CCPG1: variants seen among roughly 807,000 people sequenced by gnomAD.
CCPG1 encodes the protein cell cycle progression protein 1.
In CCPG1, 46 loss-of-function variants were observed where a neutral mutation model predicts 81.3. The observed-to-expected ratio is 0.57, with a 90% CI of 0.45 to 0.72. The LOEUF (loss-of-function observed/expected upper bound fraction) is 0.72. Ranked by LOEUF, CCPG1 falls within the 30% of genes least tolerant of loss-of-function variation. The pLI is 0.00. For synonymous variants in CCPG1, 330 were observed against 305.2 expected, an observed-to-expected ratio of 1.08 and a Z score of -0.85; for missense variants, 902 against 937.6, an observed-to-expected ratio of 0.96 and a Z score of 0.50.
intron 8 of CCPG1, chr15:55,357,183 C>T (rs890807086): frequency 1.1e-6 from 1 of 929,458 alleles, no homozygotes; most frequent in Non-Finnish European, 1.3e-6. Flanking sequence ...ATTCTCATCT[C>T]CAATTACCCT....
chr15:55,389,581 T>A, intron 1 of CCPG1, 148 bp from the exon 2 acceptor site: 1 of 651,102 alleles, frequency 1.5e-6, no homozygotes, highest in South Asian at 1.8e-5. Context: ...ATACAGAACA[T>A]GACAGGACTG....
intron 8 of CCPG1, chr15:55,358,416 C>A (rs1177283573): frequency 1.0e-6 from 1 of 985,320 alleles, no homozygotes; most frequent in Non-Finnish European, 1.2e-6. Context: ...GAAAATTCTT[C>A]AGAAGTTCTC....
At chr15:55,379,161 C>CGTGTGTGTGTGTGTGTGTGTGTGTGT (rs57640801) in intron 3 of CCPG1, among the ~76,000 whole-genome samples, 8 of 134,760 alleles carry the variant, frequency 5.9e-5, no homozygotes, top group South Asian at 2.5e-4. Flanking sequence ...TGTATATGTA[C>CGTGTGTGTGTGTGTGTGTGTGTGTGT]GTGTGTGTGT....
chr15:55,357,369 G>A (rs1463610087), intron 8 of CCPG1: 26 of 985,120 alleles, frequency 2.6e-5, no homozygotes, highest in Non-Finnish European at 3.1e-5. Context: ...CAGTTTAGAT[G>A]TTCATCAGCT....
intron 2 of CCPG1, among the ~76,000 whole-genome samples, chr15:55,387,194 C>T (rs1017823556): frequency 6.6e-6 from 1 of 152,188 alleles, no homozygotes; most frequent in Non-Finnish European, 1.5e-5. Context: ...ACATCCAGTA[C>T]AGAACACCCT....
At chr15:55,393,107 A>G (rs913785799) in intron 1 of CCPG1, among the ~76,000 whole-genome samples, 2 of 152,156 alleles carry the variant, frequency 1.3e-5, no homozygotes, top group South Asian at 4.1e-4. Context: ...TCCGTCTCAA[A>G]ATAAATAAAT....
chr15:55,371,938 A>T lies in CCPG1; in HGVS notation c.561T>A (p.Ala187=). Residue 187 remains alanine, a synonymous_variant, in exon 6 of 9, where the codon GCT becomes GCA. Coordinates refer to ENST00000442196, the MANE Select transcript of CCPG1 (RefSeq NM_001204450.2). The stretch of plus-strand genomic sequence containing the variant: ...CAACTAGCCGGTCTTCAGATTCTGA[A>T]GCAGAAACGGTCTTCTTCCTAGCAC... ...RRRARKKTVS[A]SESEDRLVAE... The T allele has an allele frequency of 6.2e-7, 1 of 1,614,204 alleles. No homozygotes were observed. Among genetic ancestry groups the T allele is most frequent in the Non-Finnish European group, 8.5e-7 (1 of 1,180,032 alleles).
At chr15:55,357,402 C>T in intron 8 of CCPG1, 1 of 985,456 alleles carries the variant, frequency 1.0e-6, no homozygotes, top group Non-Finnish European at 1.2e-6. Context: ...ATATTGACCA[C>T]CTTCTAGCTT....
chr15:55,395,459 C>T (rs558812679), intron 1 of CCPG1, among the ~76,000 whole-genome samples: 1 of 152,204 alleles, frequency 6.6e-6, no homozygotes, highest in South Asian at 2.1e-4. Flanking sequence ...TGCCCCAAAG[C>T]CTTGAATATC....
intron 1 of CCPG1, among the ~76,000 whole-genome samples, chr15:55,405,294 G>A (rs376883341): frequency 4.6e-5 from 7 of 151,970 alleles, no homozygotes; most frequent in Admixed American, 1.3e-4. Context: ...ACCAGGAGGC[G>A]GAGGTTGTGG....
rs139646261 is a variant in CCPG1 at position 55,387,607 on chromosome 15, C to A, written c.60+1758G>T. ...TTGCCCAGGCTGGAGTGCAATGGCA[C>A]GAACTCTGCTCACCGCAACCTCCGC... is the stretch of plus-strand genomic sequence containing the variant. On this transcript the variant is annotated intron_variant, in intron 2 of 8. Coordinates refer to ENST00000442196, the MANE Select transcript of CCPG1 (RefSeq NM_001204450.2). Among the ~76,000 whole-genome samples, 196 of 151,558 alleles carry A rather than the reference C, an allele frequency of 1.3e-3. 2 individuals carry two copies. Among genetic ancestry groups the A allele is most frequent in the African/African-American group, 4.6e-3 (189 of 41,396 alleles).
intron 1 of CCPG1, among the ~76,000 whole-genome samples, chr15:55,392,896 A>G (rs375090912): frequency 1.8e-4 from 27 of 152,118 alleles, no homozygotes; most frequent in East Asian, 5.8e-4. Context: ...TAAGGGCAGG[A>G]GTTCAACACC....
At chr15:55,375,018 CA>C (rs1446246916) in intron 5 of CCPG1, among the ~76,000 whole-genome samples, 1 of 152,062 alleles carries the variant, frequency 6.6e-6, no homozygotes, top group Non-Finnish European at 1.5e-5. Flanking sequence ...CAGTATAGTC[CA>C]AAATTTCGTC....
Position 55,359,969 on chromosome 15 carries a change from C to T in CCPG1, c.1804G>A (p.Glu602Lys), listed in dbSNP as rs771072961. The T allele has an allele frequency of 6.2e-7, 1 of 1,612,886 alleles. No individual in the cohort carries two copies. The highest frequency in any genetic ancestry group is 1.1e-5 in the South Asian group (1 of 90,844). Residue 602 changes from glutamate (E) to lysine (K), a missense_variant, in exon 8 of 9, where the codon GAA becomes AAA. By Grantham distance (56) the Glu-to-Lys change is moderately conservative (BLOSUM62 1). Coordinates refer to ENST00000442196, the MANE Select transcript of CCPG1 (RefSeq NM_001204450.2). The stretch of plus-strand genomic sequence containing the variant: ...TTTGAATTTGTATTTTTTCTGAATT[C>T]TTTAAAGTGAACTGGCTTTTCTTTC... ...GRKEKPVHFK[E>K]FRKNTNSKKC...
chr15:55,378,615 T>TG (rs1221843741), intron 3 of CCPG1, among the ~76,000 whole-genome samples: 5 of 152,122 alleles, frequency 3.3e-5, no homozygotes, highest in African/African-American at 1.2e-4. Context: ...GATTTTTTTT[T>TG]TTTTTGGAGA....
chr15:55,357,472 G>A (rs144698593), intron 8 of CCPG1: 2 of 978,514 alleles, frequency 2.0e-6, no homozygotes, highest in Non-Finnish European at 2.4e-6. Flanking sequence ...CCGTATCCAC[G>A]GCTTTACTTT....
At chr15:55,390,369 C>T (rs1204807183) in intron 1 of CCPG1, among the ~76,000 whole-genome samples, 1 of 152,204 alleles carries the variant, frequency 6.6e-6, no homozygotes. Flanking sequence ...ATACAATGGT[C>T]ACTCCACCTG....
rs746037942 is a variant in CCPG1, at chr15:55,360,054, C to A, written c.1719G>T (p.Gln573His). The A allele has an allele frequency of 2.5e-6, 4 of 1,613,774 alleles. No homozygotes were observed. In the South Asian group the frequency reaches 4.4e-5, roughly 18 times the overall value. Residue 573 changes from glutamine (Q) to histidine (H), a missense_variant, in exon 8 of 9, where the codon CAG (glutamine) becomes CAT (histidine). Coordinates refer to ENST00000442196, the MANE Select transcript of CCPG1 (RefSeq NM_001204450.2). ...GATGGTTTTCTGTAGGTGCCTTATACTGTGGATGTAAATAGTCACTAAAAA... is the reference window on the plus strand; with the variant it reads ...GATGGTTTTCTGTAGGTGCCTTATAATGTGGATGTAAATAGTCACTAAAAA... ...RTVFSDYLHPQYKAPTENHHN... is the reference protein window; with the variant it reads ...RTVFSDYLHPHYKAPTENHHN...
chr15:55,404,860 A>C (rs2057187578), intron 1 of CCPG1, among the ~76,000 whole-genome samples: 1 of 152,182 alleles, frequency 6.6e-6, no homozygotes, highest in Non-Finnish European at 1.5e-5. Context: ...TCACGCATTC[A>C]GGAGATCGAG....
Sources: gnomAD v4.1 joint callset for allele counts (sites outside exome capture counted in the v4.1 genomes callset) on GRCh38, gnomAD v4.1.1 for gene constraint, MANE v1.5 for transcripts, NCBI Gene and HGNC (gene_info 2026-07-23, HGNC 2026-07-21) for gene names.